Variants in PTER observed in about 807,000 individuals in gnomAD.
The protein encoded by PTER is phosphotriesterase related, also known as N-acetyltaurine hydrolase.
A neutral mutation model predicts 29.6 loss-of-function variants in PTER; 38 were observed. The ratio of observed to expected loss-of-function variants is 1.28; its 90% CI spans 0.99 to 1.68. The LOEUF is 1.68. Ranked by LOEUF, PTER falls within the 40% of genes most tolerant of loss-of-function variation. The probability of loss-of-function intolerance (pLI) is 0.00; values close to 1 mark genes in which losing one functional copy is unlikely to be tolerated. For missense variants in PTER, 482 were observed against 427.8 expected, an observed-to-expected ratio of 1.13 and a Z score of -1.12; for synonymous variants, 172 against 154.5, an observed-to-expected ratio of 1.11 and a Z score of -0.84.
At chr10:16,445,637 A>G (rs930168070) in intron 1 of PTER, among the ~76,000 whole-genome samples, 8 of 152,196 alleles carry the variant, frequency 5.3e-5, no homozygotes, top group East Asian at 3.8e-4. Flanking sequence ...TTCAGAGCCT[A>G]TTAGCCATGG....
chr10:16,492,466 A>C (rs1297572422), intron 3 of PTER, among the ~76,000 whole-genome samples: 1 of 152,216 alleles, frequency 6.6e-6, no homozygotes, highest in Non-Finnish European at 1.5e-5. Context: ...ATGCGATTAA[A>C]AAAAACAACA....
downstream of PTER, among the ~76,000 whole-genome samples, chr10:16,515,134 G>A (rs1836929870): frequency 6.6e-6 from 1 of 151,046 alleles, no homozygotes; most frequent in Non-Finnish European, 1.5e-5. Context: ...TCAAGTCTAA[G>A]TTCAGCTGTT....
At chr10:16,517,955 T>C (rs45438202), downstream of PTER, among the ~76,000 whole-genome samples, 40,472 of 152,026 alleles carry the variant, frequency 0.27, 5,668 homozygotes, top group Middle Eastern at 0.4. Flanking sequence ...GGCTCTCATA[T>C]GGTTACAGTC....
chr10:16,514,628 G>A (rs775095801), downstream of PTER: 51 of 1,613,604 alleles, frequency 3.2e-5, no homozygotes, highest in Middle Eastern at 3.3e-4. Flanking sequence ...TTCATCTCCC[G>A]GCTCCAAATG....
intron 1 of PTER, among the ~76,000 whole-genome samples, chr10:16,443,731 A>G (rs535506956): frequency 2.6e-4 from 40 of 152,324 alleles, no homozygotes; most frequent in Admixed American, 5.9e-4. Flanking sequence ...AAACATCCAA[A>G]TATTTGCTGT....
At chr10:16,504,517 CTT>C (rs1467686667) in intron 3 of PTER, among the ~76,000 whole-genome samples, 2 of 152,202 alleles carry the variant, frequency 1.3e-5, no homozygotes, top group Non-Finnish European at 2.9e-5. Flanking sequence ...TTTAGAACCA[CTT>C]TACAATCTTC....
chr10:16,517,321 G>A (rs767159469), downstream of PTER, among the ~76,000 whole-genome samples: 6 of 152,200 alleles, frequency 3.9e-5, no homozygotes, highest in Non-Finnish European at 8.8e-5. Flanking sequence ...TCTAATAAGC[G>A]AATACCAACC....
intron 1 of PTER, among the ~76,000 whole-genome samples, chr10:16,467,518 T>G (rs1020484111): frequency 5.9e-5 from 9 of 152,118 alleles, no homozygotes; most frequent in African/African-American, 1.9e-4. Flanking sequence ...TAATCTAAAA[T>G]AGCACATTTG....
chr10:16,446,825 G>A (rs931395775), intron 1 of PTER, among the ~76,000 whole-genome samples: 1 of 152,002 alleles, frequency 6.6e-6, no homozygotes, highest in African/African-American at 2.4e-5. Flanking sequence ...GTCTCCCTCT[G>A]TTGACTCGGC....
chr10:16,462,078 C>T (rs1203162091), intron 1 of PTER, among the ~76,000 whole-genome samples: 5 of 151,756 alleles, frequency 3.3e-5, no homozygotes, highest in Non-Finnish European at 5.9e-5. Context: ...CTCTGCCTCC[C>T]GGGTTCAAGC....
At chr10:16,449,323 G>C (rs1447616743) in intron 1 of PTER, among the ~76,000 whole-genome samples, 1 of 151,896 alleles carries the variant, frequency 6.6e-6, no homozygotes, top group Non-Finnish European at 1.5e-5. Flanking sequence ...ACCACATGGT[G>C]AGTCCAGGGA....
chr10:16,474,743 T>A (rs1391685553), intron 1 of PTER, among the ~76,000 whole-genome samples: 1 of 151,886 alleles, frequency 6.6e-6, no homozygotes, highest in African/African-American at 2.4e-5. Flanking sequence ...AAAAATTAGC[T>A]GGGCATGGTG....
intron 1 of PTER, among the ~76,000 whole-genome samples, chr10:16,469,797 C>A: frequency 6.6e-6 from 1 of 152,126 alleles, no homozygotes; most frequent in East Asian, 1.9e-4. Flanking sequence ...AAGCTGATTG[C>A]GAACTCCTGG....
chr10:16,502,760 A>G (rs1836400790), intron 3 of PTER, among the ~76,000 whole-genome samples: 1 of 152,038 alleles, frequency 6.6e-6, no homozygotes, highest in Non-Finnish European at 1.5e-5. Flanking sequence ...AGGCTGAAAC[A>G]GGTGGATCAC....
chr10:16,465,048 C>T (rs1834757883), intron 1 of PTER, among the ~76,000 whole-genome samples: 1 of 152,060 alleles, frequency 6.6e-6, no homozygotes. Flanking sequence ...AAAGACCCAC[C>T]CCCATGATTC....
chr10:16,507,474 G>A (rs1836620710), intron 4 of PTER, among the ~76,000 whole-genome samples: 3 of 152,126 alleles, frequency 2.0e-5, no homozygotes, highest in African/African-American at 7.2e-5. Context: ...CAGGAACCAT[G>A]AGATTCAAGT....
At chr10:16,472,651 A>G (rs927102371) in intron 1 of PTER, among the ~76,000 whole-genome samples, 1 of 152,188 alleles carries the variant, frequency 6.6e-6, no homozygotes, top group Non-Finnish European at 1.5e-5. Context: ...GCCTGAGAAC[A>G]GACTAATACA....
At position 16,511,686 on chromosome 10, in the gene PTER, TAATG is replaced by T. The variant is rs1341656609; in HGVS notation, c.*434_*437del. On this transcript the variant is annotated 3_prime_UTR_variant, in exon 5 of 5. Transcript: ENST00000535784. ...ATCCTGCTGTTCTTTAATTAATGCT[TAATG>T]AATAATATGGCACTGTAAAATAGCT... 5 of 172,668 alleles carry T rather than the reference TAATG, an allele frequency of 2.9e-5. No homozygotes were observed. The highest frequency in any genetic ancestry group is 1.2e-4 in the African/African-American group (5 of 42,064). The allele number at this position is 172,668 out of a possible 1,614,324, so 10.7% of individuals were successfully genotyped here.
chr10:16,505,259 A>G (rs994805429), intron 4 of PTER, 99 bp downstream of exon 4: 13 of 1,425,290 alleles, frequency 9.1e-6, no homozygotes, highest in Non-Finnish European at 1.2e-5. Flanking sequence ...AACAGTAAGC[A>G]GGCCGAACCA....
Sources: allele counts gnomAD v4.1 joint callset (sites outside exome capture counted in the v4.1 genomes callset), GRCh38; gene constraint gnomAD v4.1.1; transcripts MANE v1.5; gene names NCBI Gene and HGNC (gene_info 2026-07-23, HGNC 2026-07-21).